DOCK9: variants seen among roughly 807,000 people sequenced by gnomAD.
DOCK9 encodes the protein dedicator of cytokinesis protein 9.
DOCK9 carries 89 observed loss-of-function variants against 263.3 expected under a neutral mutation model. The ratio of observed to expected loss-of-function variants is 0.34; its 90% CI spans 0.28 to 0.40. The LOEUF is 0.40. Ranked by LOEUF, DOCK9 falls within the 10% of genes least tolerant of loss-of-function variation. The probability of loss-of-function intolerance (pLI) is 1.00; values close to 1 mark genes in which losing one functional copy is unlikely to be tolerated. For missense variants in DOCK9, 2,140 were observed against 2,603.4 expected (o/e 0.82, Z 3.87); for synonymous variants, 976 against 973.1 (o/e 1.00, Z -0.06).
At chr13:98,831,581 C>G in intron 40 of DOCK9, 51 bp from the exon 41 acceptor site, 1 of 1,591,662 alleles carries the variant, frequency 6.3e-7, no homozygotes, top group Non-Finnish European at 8.6e-7. Flanking sequence ...GGTCAGTGCT[C>G]GGTAATGTAC....
rs141298335 is a variant in DOCK9, at chr13:98,929,897, T to A, written c.333+271A>T. Among the ~76,000 whole-genome samples the A allele has an allele frequency of 3.9e-3, 594 of 152,268 alleles. 4 individuals are homozygous for A. The highest frequency in any genetic ancestry group is 0.014 in the African/African-American group (568 of 41,554). On this transcript the variant is annotated intron_variant, in intron 3 of 52. Transcript: ENST00000682017. The stretch of plus-strand genomic sequence containing the variant: ...CTTATTTTAAGTCCATGAGATAAAT[T>A]CTGTGGAATTCACTTTTTGTAGTCA...
Position 98,848,491 on chromosome 13 carries a change from A to G in DOCK9, c.4061+101T>C. 4 of 1,296,586 alleles carry G rather than the reference A, an allele frequency of 3.1e-6. 1 individual carries two copies. The South Asian group carries it at 5.3e-5, about 17-fold the overall frequency. The allele number at this position is 1,296,586 out of a possible 1,614,324, so 80.3% of individuals were successfully genotyped here. ...GCCATCAGTCCCCATGGCCGCTTCC[A>G]TGAACCCCAACTGCCAACCGCCACT... On this transcript the variant is annotated intron_variant, in intron 37 of 52. Transcript: ENST00000682017.
At chr13:99,038,764 T>A (rs1360584969) in intron 1 of DOCK9, among the ~76,000 whole-genome samples, 1 of 152,216 alleles carries the variant, frequency 6.6e-6, no homozygotes, top group Non-Finnish European at 1.5e-5. Context: ...TGTGCACATG[T>A]GTATTCTTTA....
rs373195263 is a variant in DOCK9, at chr13:98,894,718, T to G, written c.1709+2770A>C. 1.6e-4 allele frequency among the ~76,000 whole-genome samples: 25 copies of G among 151,962 alleles called. No homozygotes were observed. In the South Asian group the frequency reaches 4.2e-3, roughly 25 times the overall value. ...AATTACTATATGATAATATAGTATG[T>G]ATGATAATATATTACCCACTACCAA... On this transcript the variant is annotated intron_variant, in intron 15 of 52. Coordinates refer to ENST00000682017, the MANE Select transcript of DOCK9 (RefSeq NM_001366683.2).
At chr13:98,839,109 TA>T (rs2093116923) in intron 38 of DOCK9, among the ~76,000 whole-genome samples, 1 of 152,250 alleles carries the variant, frequency 6.6e-6, no homozygotes, top group Non-Finnish European at 1.5e-5. Flanking sequence ...TGTGTGCTTT[TA>T]TCCAATGCTG....
At chr13:99,008,212 C>CTA (rs1161970142) in intron 1 of DOCK9, among the ~76,000 whole-genome samples, 5,215 of 78,572 alleles carry the variant, frequency 0.066, 234 homozygotes, top group Non-Finnish European at 0.096. Flanking sequence ...CTCTCTCTCT[C>CTA]TATATATATA....
At chr13:98,944,382 GAA>G (rs59677048) in intron 2 of DOCK9, among the ~76,000 whole-genome samples, 4 of 73,174 alleles carry the variant, frequency 5.5e-5, no homozygotes, top group African/African-American at 2.1e-4. Context: ...CACTATATGA[GAA>G]AAAAAAAAAA....
At chr13:98,817,234 GTTTT>G (rs1201048960) in intron 45 of DOCK9, among the ~76,000 whole-genome samples, 4 of 152,202 alleles carry the variant, frequency 2.6e-5, no homozygotes, top group African/African-American at 9.6e-5. Flanking sequence ...TAAGATTGGG[GTTTT>G]TTGTTTGTTT....
At chr13:98,970,298 C>G (rs2059608142) in intron 1 of DOCK9, among the ~76,000 whole-genome samples, 1 of 152,194 alleles carries the variant, frequency 6.6e-6, no homozygotes, top group Non-Finnish European at 1.5e-5. Context: ...ACGCCCCACC[C>G]GTCTCTGTTT....
At chr13:98,828,532 G>A (rs2092636543) in intron 43 of DOCK9, among the ~76,000 whole-genome samples, 1 of 152,150 alleles carries the variant, frequency 6.6e-6, no homozygotes, top group South Asian at 2.1e-4. Context: ...TGTAAAAATA[G>A]TTAAAATTTT....
rs533664656 is a variant in DOCK9, at chr13:98,916,930, AT to A, written c.718-1428del. ...TTTAATTCACAGCACCAGTCAACTA[AT>A]TTTTTTATAATATCCATAAGTAATA... On this transcript the variant is annotated intron_variant, in intron 7 of 52. Coordinates refer to ENST00000682017, the MANE Select transcript of DOCK9 (RefSeq NM_001366683.2). Among the ~76,000 whole-genome samples, 72 of 152,272 alleles carry A rather than the reference AT, an allele frequency of 4.7e-4. 1 individual carries two copies. The highest frequency in any genetic ancestry group is 1.7e-3 in the African/African-American group (72 of 41,552).
chr13:98,823,050 A>C (rs540075720), intron 45 of DOCK9, among the ~76,000 whole-genome samples: 1 of 152,244 alleles, frequency 6.6e-6, no homozygotes, highest in Admixed American at 6.5e-5. Context: ...ATTAAGATTT[A>C]CTTATTAATT....
At chr13:98,845,425 C>T in intron 38 of DOCK9, 1 of 1,219,894 alleles carries the variant, frequency 8.2e-7, no homozygotes, top group Non-Finnish European at 1.1e-6. Flanking sequence ...CACACCCTCA[C>T]AAATTGATTC....
At chr13:99,072,803 G>C (rs1241409529) in intron 1 of DOCK9, among the ~76,000 whole-genome samples, 1 of 152,086 alleles carries the variant, frequency 6.6e-6, no homozygotes, top group African/African-American at 2.4e-5. Context: ...TTTGAGACTA[G>C]CCTGGGCAAC....
chr13:98,917,647 T>TC (rs2051113609), intron 7 of DOCK9, among the ~76,000 whole-genome samples: 2 of 151,808 alleles, frequency 1.3e-5, no homozygotes, highest in South Asian at 4.2e-4. Flanking sequence ...TTTTTTTCTT[T>TC]TTTTTTTTTT....
chr13:98,859,293 C>T (rs2093787179), intron 33 of DOCK9: 1 of 152,182 alleles, frequency 6.6e-6, no homozygotes, highest in South Asian at 2.1e-4. Flanking sequence ...GTGTGCCAGG[C>T]TCTGTTGCAA....
chr13:98,928,092 T>A (rs2053330376), intron 3 of DOCK9, among the ~76,000 whole-genome samples: 1 of 150,524 alleles, frequency 6.6e-6, no homozygotes, highest in Non-Finnish European at 1.5e-5. Flanking sequence ...GTGTTGACCA[T>A]CTACATAGCA....
chr13:99,070,358 C>A lies in DOCK9; in HGVS notation c.129+15865G>T, dbSNP rs530549816. On this transcript the variant is annotated intron_variant, in intron 1 of 32. Coordinates refer to the DOCK9 transcript ENST00000427887. ...GGGAAATCCTAGAATATATAAAAAA[C>A]AAATCATATTCCTATCTTTTCATGT... 1.6e-3 allele frequency among the ~76,000 whole-genome samples: 248 copies of A among 150,854 alleles called. 9 individuals carry two copies. In the South Asian group the frequency reaches 0.049, roughly 30 times the overall value.
chr13:99,040,112 T>C (rs1275933356), intron 1 of DOCK9, among the ~76,000 whole-genome samples: 1 of 152,162 alleles, frequency 6.6e-6, no homozygotes, highest in Non-Finnish European at 1.5e-5. Flanking sequence ...CCAGGAATAG[T>C]GCCCTTATAA....
Sources: gnomAD v4.1 joint callset for allele counts (sites outside exome capture counted in the v4.1 genomes callset) on GRCh38, gnomAD v4.1.1 for gene constraint, MANE v1.5 for transcripts, NCBI Gene and HGNC (gene_info 2026-07-23, HGNC 2026-07-21) for gene names.